Variants in GNAO1 observed in about 807,000 individuals in gnomAD.
GNAO1 encodes the protein guanine nucleotide-binding protein G(o) subunit alpha.
For missense variants in GNAO1, 166 were observed against 478.7 expected (o/e 0.35, Z 6.10); for synonymous variants, 164 against 180.7 (o/e 0.91, Z 0.74).
intron 2 of GNAO1, among the ~76,000 whole-genome samples, chr16:56,216,700 A>G (rs1289246767): frequency 6.6e-6 from 1 of 152,232 alleles, no homozygotes; most frequent in African/African-American, 2.4e-5. Context: ...AGCTGTCAAC[A>G]AAGTGCACCT....
chr16:56,332,163 A>T (rs560025255), intron 4 of GNAO1, among the ~76,000 whole-genome samples: 133 of 152,218 alleles, frequency 8.7e-4, no homozygotes, highest in African/African-American at 3.0e-3. Context: ...CGTTGTCAAC[A>T]TGCTTCTGGC....
intron 2 of GNAO1, among the ~76,000 whole-genome samples, chr16:56,196,858 T>A (rs1408526364): frequency 2.0e-5 from 3 of 152,228 alleles, no homozygotes; most frequent in African/African-American, 7.2e-5. Flanking sequence ...ATGTCATTGC[T>A]CATACAAATA....
At chr16:56,245,662 G>A (rs1245296915) in intron 2 of GNAO1, 2 of 154,688 alleles carry the variant, frequency 1.3e-5, no homozygotes, top group South Asian at 4.1e-4. Context: ...TAGAAAGAGA[G>A]CAATTCTTGG....
chr16:56,259,404 C>G (rs730301), intron 2 of GNAO1, among the ~76,000 whole-genome samples: 40,866 of 151,434 alleles, frequency 0.27, 6,062 homozygotes, highest in Middle Eastern at 0.36. Context: ...TGTATTCTAC[C>G]CCTTCTCACC....
intron 3 of GNAO1, among the ~76,000 whole-genome samples, chr16:56,293,833 G>A (rs528355935): frequency 2.6e-5 from 4 of 152,252 alleles, no homozygotes; most frequent in African/African-American, 4.8e-5. Flanking sequence ...CCGCCTCACC[G>A]GACTTGCTAG....
At chr16:56,198,231 A>G (rs1222473412) in intron 2 of GNAO1, among the ~76,000 whole-genome samples, 2 of 152,242 alleles carry the variant, frequency 1.3e-5, no homozygotes, top group African/African-American at 4.8e-5. Flanking sequence ...TACTGATTGC[A>G]TCATCTTAAA....
intron 2 of GNAO1, among the ~76,000 whole-genome samples, chr16:56,248,407 C>T (rs1480383815): frequency 6.6e-6 from 1 of 152,144 alleles, no homozygotes; most frequent in Non-Finnish European, 1.5e-5. Context: ...CTGAGAATGG[C>T]GGGAGATACA....
chr16:56,302,805 G>A (rs1187510659), intron 3 of GNAO1: 1 of 152,224 alleles, frequency 6.6e-6, no homozygotes, highest in Admixed American at 6.5e-5. Flanking sequence ...CCCAACTGGT[G>A]TCCTTAACTT....
Position 56,345,503 on chromosome 16 carries a change from G to A in GNAO1, c.724-5881G>A, listed in dbSNP as rs138890271. 6.9e-4 allele frequency: 684 copies of A among 985,434 alleles called. 5 individuals are homozygous for A. The African/African-American group carries it at 0.011, about 15-fold the overall frequency. 61.0% of individuals were successfully genotyped at this position (985,434 alleles called of 1,614,324 possible). A position where few individuals can be genotyped will look rare whatever the true frequency, so the allele number is the denominator to read the frequency against. On this transcript the variant is annotated intron_variant, in intron 6 of 8. Coordinates refer to ENST00000262493, the MANE Select transcript of GNAO1 (RefSeq NM_020988.3). ...GTTGGACCCACAGGCACAGAGCTCT[G>A]AGTGGTGCCCAGGAGACCCAGGAAC...
At chr16:56,346,951 G>A in intron 6 of GNAO1, 1 of 985,398 alleles carries the variant, frequency 1.0e-6, no homozygotes, top group Non-Finnish European at 1.2e-6. Context: ...GGGGAGCTTA[G>A]CCCCTGCTCC....
At chr16:56,222,133 T>G (rs1388096141) in intron 2 of GNAO1, among the ~76,000 whole-genome samples, 1 of 152,096 alleles carries the variant, frequency 6.6e-6, no homozygotes. Context: ...TCCTAAGTGA[T>G]GCTGACAGCT....
At chr16:56,228,366 T>C (rs2036553926) in intron 2 of GNAO1, among the ~76,000 whole-genome samples, 1 of 152,094 alleles carries the variant, frequency 6.6e-6, no homozygotes, top group African/African-American at 2.4e-5. Context: ...TATATGCATA[T>C]GTATGTGTAT....
At chr16:56,229,231 CACTT>C (rs1433905951) in intron 2 of GNAO1, among the ~76,000 whole-genome samples, 16 of 152,212 alleles carry the variant, frequency 1.1e-4, no homozygotes, top group Admixed American at 3.9e-4. Context: ...GATGGAGTCT[CACTT>C]ACTCTGTCAC....
intron 3 of GNAO1, among the ~76,000 whole-genome samples, chr16:56,309,194 G>A (rs1372466014): frequency 5.3e-5 from 8 of 152,238 alleles, no homozygotes; most frequent in South Asian, 2.1e-4. Flanking sequence ...TCCCTTCTAC[G>A]AGGACAGTGG....
chr16:56,218,495 T>C (rs1388533902), intron 2 of GNAO1, among the ~76,000 whole-genome samples: 2 of 152,096 alleles, frequency 1.3e-5, no homozygotes, highest in African/African-American at 4.8e-5. Flanking sequence ...CCTGGTGAAC[T>C]TGGGGCCCAA....
chr16:56,356,846 A>C lies in GNAO1; in HGVS notation c.*772A>C, dbSNP rs1208644406. 3 of 129,888 alleles carry C rather than the reference A, an allele frequency of 2.3e-5. No individual in the cohort carries two copies. Among genetic ancestry groups the C allele is most frequent in the African/African-American group, 3.0e-5 (1 of 33,540 alleles). 8.0% of individuals were successfully genotyped at this position (129,888 alleles called of 1,614,324 possible). ...CTATGTATTACCAGCCCCCCACCCC[A>C]CAGATCAGTTTTCCTAGTCTTTGGG... On this transcript the variant is annotated 3_prime_UTR_variant, in exon 9 of 9. Transcript: ENST00000262493.
chr16:56,240,140 G>A (rs1160277220), intron 2 of GNAO1, among the ~76,000 whole-genome samples: 1 of 152,170 alleles, frequency 6.6e-6, no homozygotes, highest in Non-Finnish European at 1.5e-5. Flanking sequence ...TTACAATGGA[G>A]ATGGGATCTC....
intron 2 of GNAO1, among the ~76,000 whole-genome samples, chr16:56,233,497 C>A (rs967971154): frequency 6.6e-6 from 1 of 152,200 alleles, no homozygotes; most frequent in Non-Finnish European, 1.5e-5. Context: ...TCTGCCGTGT[C>A]CTCTCTGTGT....
intron 3 of GNAO1, among the ~76,000 whole-genome samples, chr16:56,310,663 A>C (rs1308163817): frequency 1.3e-5 from 2 of 152,186 alleles, no homozygotes; most frequent in East Asian, 3.8e-4. Flanking sequence ...GGATAAACAG[A>C]GGTCAGATGT....
Sources: allele counts gnomAD v4.1 joint callset (sites outside exome capture counted in the v4.1 genomes callset), GRCh38; gene constraint gnomAD v4.1.1; transcripts MANE v1.5; gene names NCBI Gene and HGNC (gene_info 2026-07-23, HGNC 2026-07-21).